B3GALT1: variants seen among roughly 807,000 people sequenced by gnomAD.
B3GALT1 encodes the protein beta-1,3-galactosyltransferase 1, also known as UDP-Gal:betaGlcNAc beta 1,3-galactosyltransferase, polypeptide 1.
Under a neutral mutation model 23.2 loss-of-function variants are expected in B3GALT1, and 10 were observed. The ratio of observed to expected loss-of-function variants is 0.43; its 90% CI spans 0.27 to 0.73. B3GALT1 has a LOEUF of 0.73. B3GALT1 is among the 30% of genes least tolerant of loss of function. The probability of loss-of-function intolerance (pLI) is 0.21; values close to 1 mark genes in which losing one functional copy is unlikely to be tolerated. For synonymous variants in B3GALT1, 156 were observed against 141.5 expected (o/e 1.10, Z -0.73); for missense variants, 299 against 405.4 (o/e 0.74, Z 2.25).
At chr2:167,331,184 T>C (rs1224052166) in intron 1 of B3GALT1, among the ~76,000 whole-genome samples, 1 of 152,126 alleles carries the variant, frequency 6.6e-6, no homozygotes, top group Non-Finnish European at 1.5e-5. Flanking sequence ...GGCGAAGTTA[T>C]TCTGGGGACT....
At chr2:167,302,947 T>C (rs1696474033) in intron 1 of B3GALT1, among the ~76,000 whole-genome samples, 1 of 152,198 alleles carries the variant, frequency 6.6e-6, no homozygotes, top group African/African-American at 2.4e-5. Context: ...GAGAAATAAA[T>C]GGAATTTTTC....
intron 3 of B3GALT1, among the ~76,000 whole-genome samples, chr2:167,804,715 C>A (rs1688712838): frequency 6.6e-6 from 1 of 152,164 alleles, no homozygotes; most frequent in African/African-American, 2.4e-5. Flanking sequence ...TTTTCTTAAT[C>A]CAGTCTATCA....
At chr2:167,491,990 TAA>T (rs1699716337) in intron 2 of B3GALT1, among the ~76,000 whole-genome samples, 1 of 152,194 alleles carries the variant, frequency 6.6e-6, no homozygotes, top group African/African-American at 2.4e-5. Context: ...CCTTATAAAC[TAA>T]AGTCCATAGT....
intron 2 of B3GALT1, among the ~76,000 whole-genome samples, chr2:167,591,681 C>T (rs1356629997): frequency 6.6e-6 from 1 of 151,928 alleles, no homozygotes; most frequent in African/African-American, 2.4e-5. Flanking sequence ...ACTATGTTGC[C>T]CTGGCTGGTC....
intron 3 of B3GALT1, among the ~76,000 whole-genome samples, chr2:167,657,891 C>A (rs983006523): frequency 6.6e-6 from 1 of 151,996 alleles, no homozygotes; most frequent in Non-Finnish European, 1.5e-5. Context: ...CCCAAGCATA[C>A]AGTATTATTT....
intron 1 of B3GALT1, among the ~76,000 whole-genome samples, chr2:167,392,912 C>T (rs771026064): frequency 6.6e-5 from 10 of 152,090 alleles, no homozygotes; most frequent in Admixed American, 2.6e-4. Context: ...GTGAAAAAGC[C>T]GTACGTTTCT....
At chr2:167,710,278 G>A (rs1687028457) in intron 3 of B3GALT1, among the ~76,000 whole-genome samples, 1 of 152,210 alleles carries the variant, frequency 6.6e-6, no homozygotes, top group Non-Finnish European at 1.5e-5. Flanking sequence ...CTTTATTACT[G>A]TAACTTATTG....
At chr2:167,301,076 A>G (rs1415451797) in intron 1 of B3GALT1, among the ~76,000 whole-genome samples, 2 of 152,186 alleles carry the variant, frequency 1.3e-5, no homozygotes, top group Non-Finnish European at 2.9e-5. Context: ...TGGGCACAGT[A>G]AGCATTATCA....
At chr2:167,648,743 C>G (rs896538477) in intron 3 of B3GALT1, among the ~76,000 whole-genome samples, 4 of 152,126 alleles carry the variant, frequency 2.6e-5, no homozygotes, top group African/African-American at 9.7e-5. Context: ...AACTCATCCT[C>G]TTTTATGGGA....
chr2:167,832,542 C>T (rs565247863), intron 4 of B3GALT1, among the ~76,000 whole-genome samples: 2 of 152,178 alleles, frequency 1.3e-5, no homozygotes, highest in Non-Finnish European at 2.9e-5. Flanking sequence ...ACAAATTTCA[C>T]TGAACAGTTA....
intron 1 of B3GALT1, among the ~76,000 whole-genome samples, chr2:167,362,045 G>T (rs544503792): frequency 5.3e-5 from 8 of 152,172 alleles, no homozygotes; most frequent in Admixed American, 5.2e-4. Context: ...CTGCACTCCA[G>T]CCTGGGTGAC....
At chr2:167,641,066 A>G (rs1685645388) in intron 2 of B3GALT1, among the ~76,000 whole-genome samples, 2 of 152,172 alleles carry the variant, frequency 1.3e-5, no homozygotes, top group South Asian at 4.1e-4. Context: ...CACCTAGTAA[A>G]CAGTAATTGA....
intron 3 of B3GALT1, among the ~76,000 whole-genome samples, chr2:167,727,813 G>A (rs1047816780): frequency 1.3e-5 from 2 of 152,092 alleles, no homozygotes; most frequent in Admixed American, 6.5e-5. Context: ...AGGCCTCACA[G>A]GAATTTTTTA....
chr2:167,717,435 C>A (rs1450373886), intron 3 of B3GALT1, among the ~76,000 whole-genome samples: 2 of 151,970 alleles, frequency 1.3e-5, no homozygotes, highest in Non-Finnish European at 2.9e-5. Flanking sequence ...TGCTATCCCT[C>A]CCCCTACTAT....
intron 4 of B3GALT1, among the ~76,000 whole-genome samples, chr2:167,836,582 A>C (rs1689479036): frequency 6.6e-6 from 1 of 152,198 alleles, no homozygotes; most frequent in Admixed American, 6.5e-5. Context: ...GGGAGAATGG[A>C]ACCAAGTTGG....
At chr2:167,393,553 ATAAG>A (rs1698052392) in intron 1 of B3GALT1, among the ~76,000 whole-genome samples, 2 of 152,232 alleles carry the variant, frequency 1.3e-5, no homozygotes, top group South Asian at 4.1e-4. Context: ...TTTTAACAAA[ATAAG>A]TACAATTGTA....
At chr2:167,469,411 A>G (rs962606290) in intron 1 of B3GALT1, among the ~76,000 whole-genome samples, 2 of 152,242 alleles carry the variant, frequency 1.3e-5, no homozygotes, top group African/African-American at 4.8e-5. Context: ...TTCATTTAGT[A>G]AATAATGACT....
intron 1 of B3GALT1, among the ~76,000 whole-genome samples, chr2:167,406,653 G>C (rs959831041): frequency 6.6e-6 from 1 of 152,192 alleles, no homozygotes; most frequent in Non-Finnish European, 1.5e-5. Context: ...TCATGACTGA[G>C]TGAAGGAAGA....
intron 3 of B3GALT1, among the ~76,000 whole-genome samples, chr2:167,792,475 T>G (rs1411660473): frequency 6.6e-6 from 1 of 152,176 alleles, no homozygotes; most frequent in Non-Finnish European, 1.5e-5. Context: ...GAGGGAGTAA[T>G]CCATTGACCA....
Sources: gnomAD v4.1 joint callset for allele counts (sites outside exome capture counted in the v4.1 genomes callset) on GRCh38, gnomAD v4.1.1 for gene constraint, MANE v1.5 for transcripts, NCBI Gene and HGNC (gene_info 2026-07-23, HGNC 2026-07-21) for gene names.